Variants in SMYD3 observed in about 807,000 individuals in gnomAD.
SMYD3 encodes SET and MYND domain containing 3.
SMYD3 carries 36 observed loss-of-function variants against 57.7 expected under a neutral mutation model. The observed-to-expected ratio is 0.62, with a 90% CI of 0.48 to 0.82. The LOEUF (loss-of-function observed/expected upper bound fraction) is 0.82. Among genes scored for constraint, SMYD3 ranks in the 40% least tolerant of loss-of-function variants. The pLI is 0.00. For synonymous variants in SMYD3, 211 were observed against 195.0 expected (o/e 1.08, Z -0.68); for missense variants, 515 against 538.8 (o/e 0.96, Z 0.44).
chr1:245,785,837 T>C lies in SMYD3; in HGVS notation c.1077-21688A>G, dbSNP rs537817401. On this transcript the variant is annotated intron_variant, in intron 10 of 11. Coordinates refer to ENST00000490107, the MANE Select transcript of SMYD3 (RefSeq NM_001167740.2). ...CCTCATCCTCCCAAGTAGCTAGGACTACAGGTGTATGCCACCATGCCTGGC... is the reference window on the plus strand; with the variant it reads ...CCTCATCCTCCCAAGTAGCTAGGACCACAGGTGTATGCCACCATGCCTGGC... 2.0e-5 allele frequency among the ~76,000 whole-genome samples: 3 copies of C among 152,274 alleles called. No individual in the cohort carries two copies. In the South Asian group the frequency reaches 6.2e-4, roughly 32 times the overall value.
chr1:245,972,238 C>CCTTA (rs2058319568), intron 5 of SMYD3, among the ~76,000 whole-genome samples: 2 of 152,184 alleles, frequency 1.3e-5, no homozygotes, highest in Non-Finnish European at 2.9e-5. Flanking sequence ...TCCTGAGACA[C>CCTTA]CTTAGCTGGC....
intron 10 of SMYD3, among the ~76,000 whole-genome samples, chr1:245,824,781 A>C (rs1000382993): frequency 6.6e-6 from 1 of 150,654 alleles, no homozygotes; most frequent in Non-Finnish European, 1.5e-5. Flanking sequence ...GCTTGAACCC[A>C]GGAGATGGAG....
intron 1 of SMYD3, among the ~76,000 whole-genome samples, chr1:246,491,134 G>A (rs980314690): frequency 3.9e-5 from 6 of 152,152 alleles, no homozygotes; most frequent in African/African-American, 7.2e-5. Flanking sequence ...AAGTATGACC[G>A]GTTCACAAGG....
rs140109983 is a variant in SMYD3, at chr1:245,946,690, A to G, written c.532-16753T>C. ...GGGTTAAGCTAAAGGTCGGGTCTGA[A>G]ACACAGTGTTGTACACTAGACCCAT... On this transcript the variant is annotated intron_variant, in intron 5 of 11. Coordinates refer to ENST00000490107, the MANE Select transcript of SMYD3 (RefSeq NM_001167740.2). 4.0e-3 allele frequency among the ~76,000 whole-genome samples: 606 copies of G among 152,274 alleles called. 4 individuals carry two copies. Among genetic ancestry groups the G allele is most frequent in the African/African-American group, 0.014 (579 of 41,552 alleles).
chr1:245,865,936 G>C (rs1174389117), intron 8 of SMYD3, among the ~76,000 whole-genome samples: 2 of 152,250 alleles, frequency 1.3e-5, no homozygotes, highest in Middle Eastern at 3.4e-3. Context: ...GACTTTCAAC[G>C]GGTGTCAGAG....
chr1:245,839,255 C>T (rs558101214), intron 10 of SMYD3, among the ~76,000 whole-genome samples: 19 of 152,182 alleles, frequency 1.2e-4, no homozygotes, highest in Non-Finnish European at 1.8e-4. Flanking sequence ...CTGCAAGCTC[C>T]GCCTCCCGGG....
At position 246,064,731 on chromosome 1, in the gene SMYD3, TC is replaced by T. The variant is rs1470305976; in HGVS notation, c.532-134795del. Among the ~76,000 whole-genome samples, 4 of 152,340 alleles carry T rather than the reference TC, an allele frequency of 2.6e-5. No individual in the cohort carries two copies. The East Asian group carries it at 7.7e-4, about 29-fold the overall frequency. ...TCTTGACTGAATAAATGTCACAACT[TC>T]AGCAGGGTTCCCCTGAGGTCAGCTC... is the stretch of plus-strand genomic sequence containing the variant. On this transcript the variant is annotated intron_variant, in intron 5 of 11. Coordinates refer to ENST00000490107, the MANE Select transcript of SMYD3 (RefSeq NM_001167740.2).
intron 5 of SMYD3, among the ~76,000 whole-genome samples, chr1:246,195,137 GA>G (rs2062812076): frequency 6.6e-6 from 1 of 152,136 alleles, no homozygotes; most frequent in Non-Finnish European, 1.5e-5. Context: ...TAGTTGCCTG[GA>G]AATTTATTGG....
At chr1:246,107,022 G>A (rs543545177) in intron 5 of SMYD3, among the ~76,000 whole-genome samples, 158 of 152,122 alleles carry the variant, frequency 1.0e-3, no homozygotes, top group Non-Finnish European at 1.8e-3. Flanking sequence ...TTTGAAGGCC[G>A]GGCACGGTGG....
intron 5 of SMYD3, among the ~76,000 whole-genome samples, chr1:246,261,707 TAAA>T (rs34249312): frequency 2.4e-4 from 37 of 151,052 alleles, no homozygotes; most frequent in East Asian, 1.2e-3. Flanking sequence ...AATAAGAATT[TAAA>T]AAAAAAATCA....
chr1:245,836,311 T>C (rs2050104285), intron 10 of SMYD3, among the ~76,000 whole-genome samples: 1 of 152,164 alleles, frequency 6.6e-6, no homozygotes, highest in Admixed American at 6.5e-5. Flanking sequence ...CAAACGAGTC[T>C]GAAAACCCGC....
intron 10 of SMYD3, among the ~76,000 whole-genome samples, chr1:245,830,731 A>G (rs1023338006): frequency 1.3e-5 from 2 of 152,186 alleles, no homozygotes; most frequent in Non-Finnish European, 2.9e-5. Context: ...ACCCACTAAT[A>G]AGATTTACAG....
intron 1 of SMYD3, among the ~76,000 whole-genome samples, chr1:246,410,938 A>T (rs1371868263): frequency 2.0e-5 from 3 of 151,920 alleles, no homozygotes; most frequent in Non-Finnish European, 2.9e-5. Context: ...TTTCTTCTAG[A>T]TTTTCTAGTT....
chr1:245,787,424 C>T (rs1206625848), intron 10 of SMYD3, among the ~76,000 whole-genome samples: 1 of 152,142 alleles, frequency 6.6e-6, no homozygotes, highest in Non-Finnish European at 1.5e-5. Context: ...GTGAAGTAAG[C>T]ATCGTTTGTC....
Position 245,890,484 on chromosome 1 carries a change from G to A in SMYD3, c.813+25046C>T, listed in dbSNP as rs1009696202. ...TGGTGAACAGGTATAAGAACATCCC[G>A]CATCATCAAAGAAATGCAAATCAAA... On this transcript the variant is annotated intron_variant, in intron 8 of 11. Transcript: ENST00000490107. 5.9e-5 allele frequency among the ~76,000 whole-genome samples: 9 copies of A among 151,960 alleles called. No homozygotes were observed. In the South Asian group the frequency reaches 1.0e-3, roughly 18 times the overall value.
chr1:245,949,321 C>T (rs544401947), intron 5 of SMYD3, among the ~76,000 whole-genome samples: 55 of 152,300 alleles, frequency 3.6e-4, no homozygotes, highest in Middle Eastern at 3.4e-3. Flanking sequence ...CCACCGCCAC[C>T]GTGGGGCCCA....
At chr1:246,354,992 A>G in intron 2 of SMYD3, 39 bp downstream of exon 2, 1 of 1,592,158 alleles carries the variant, frequency 6.3e-7, no homozygotes, top group Non-Finnish European at 8.6e-7. Context: ...AGAGTAAAGA[A>G]TTTGAAAGCT....
At chr1:246,245,351 G>A (rs77575757) in intron 5 of SMYD3, among the ~76,000 whole-genome samples, 4,556 of 152,082 alleles carry the variant, frequency 0.03, 300 homozygotes, top group East Asian at 0.24. Context: ...GCTGAGGCAC[G>A]AGAATCTCTT....
At chr1:246,218,234 A>AAAAG (rs1295365997) in intron 5 of SMYD3, among the ~76,000 whole-genome samples, 1 of 152,130 alleles carries the variant, frequency 6.6e-6, no homozygotes, top group Non-Finnish European at 1.5e-5. Context: ...CCTGTTAAAA[A>AAAAG]AAAAGCCAGT....
Sources: allele counts gnomAD v4.1 joint callset (sites outside exome capture counted in the v4.1 genomes callset), GRCh38; gene constraint gnomAD v4.1.1; transcripts MANE v1.5; gene names NCBI Gene and HGNC (gene_info 2026-07-23, HGNC 2026-07-21).